COL14A1: variants seen among roughly 807,000 people sequenced by gnomAD.
The protein encoded by COL14A1 is collagen alpha-1(XIV) chain.
Under a neutral mutation model 230.3 loss-of-function variants are expected in COL14A1, and 136 were observed. That is an observed-to-expected ratio of 0.59 (90% CI 0.51 to 0.68). The LOEUF (loss-of-function observed/expected upper bound fraction) is 0.68. Among genes scored for constraint, COL14A1 ranks in the 30% least tolerant of loss-of-function variants. The pLI, the probability that COL14A1 is intolerant of heterozygous loss-of-function variation, is 0.00. For missense variants in COL14A1, 1,976 were observed against 2,215.8 expected, an observed-to-expected ratio of 0.89 and a Z score of 2.17; for synonymous variants, 792 against 784.1, an observed-to-expected ratio of 1.01 and a Z score of -0.17.
chr8:120,334,489 C>A (rs1821981519), intron 42 of COL14A1, among the ~76,000 whole-genome samples: 1 of 151,560 alleles, frequency 6.6e-6, no homozygotes. Flanking sequence ...TCTTTTAATT[C>A]AAAAATGTGT....
intron 18 of COL14A1, among the ~76,000 whole-genome samples, chr8:120,230,033 A>G (rs985022137): frequency 2.0e-5 from 3 of 152,104 alleles, no homozygotes; most frequent in African/African-American, 4.8e-5. Context: ...GACATGTGTC[A>G]TCGTGCCTGG....
intron 1 of COL14A1, among the ~76,000 whole-genome samples, chr8:120,129,984 G>A (rs74829717): frequency 5.2e-3 from 789 of 152,290 alleles, no homozygotes; most frequent in Non-Finnish European, 8.7e-3. Flanking sequence ...AAACTAGCTG[G>A]AGAACCTCAA....
chr8:120,197,918 A>G lies in COL14A1; in HGVS notation c.700A>G (p.Asn234Asp). 1 of 1,613,558 alleles carries G rather than the reference A, an allele frequency of 6.2e-7. No individual in the cohort carries two copies. The highest frequency in any genetic ancestry group is 1.1e-5 in the South Asian group (1 of 91,052). ...CCGAAACCTCCCATATAAAGGAGGA[A>G]ATACACTAACAGGTATGTTTTGTTC... ...AVRNLPYKGG[N>D]TLTGLALNYI... The change falls in exon 7 of 48, where the codon AAT becomes GAT. Residue 234 changes from asparagine (N) to aspartate (D), a missense_variant. Coordinates refer to ENST00000297848, the MANE Select transcript of COL14A1 (RefSeq NM_021110.4).
At chr8:120,251,472 C>T (rs539705592) in intron 22 of COL14A1, among the ~76,000 whole-genome samples, 2 of 152,284 alleles carry the variant, frequency 1.3e-5, no homozygotes, top group South Asian at 4.2e-4. Flanking sequence ...CCATTCTCAG[C>T]ACTTCCTTCT....
intron 45 of COL14A1, among the ~76,000 whole-genome samples, chr8:120,354,242 G>T (rs1396337008): frequency 1.5e-4 from 15 of 102,482 alleles, no homozygotes; most frequent in African/African-American, 5.2e-4. Flanking sequence ...GGACTGTTGT[G>T]GGGTGGGGGG....
chr8:120,262,774 A>T, intron 23 of COL14A1, 94 bp from the exon 24 acceptor site: 3 of 1,235,868 alleles, frequency 2.4e-6, no homozygotes, highest in Non-Finnish European at 3.4e-6. Flanking sequence ...GTGGGCTAAC[A>T]TGTGAAGTAT....
At chr8:120,215,243 C>G (rs910605339) in intron 13 of COL14A1, among the ~76,000 whole-genome samples, 1 of 152,048 alleles carries the variant, frequency 6.6e-6, no homozygotes, top group Admixed American at 6.6e-5. Flanking sequence ...TGGTGACACA[C>G]GCCTGTAATC....
rs1041374615 is a variant in COL14A1, at chr8:120,310,150, T to A, written c.4455+88T>A. The A allele has an allele frequency of 3.7e-6, 5 of 1,365,342 alleles. No individual in the cohort carries two copies. The Admixed American group carries it at 9.3e-5, about 25-fold the overall frequency. 84.6% of individuals were successfully genotyped at this position (1,365,342 alleles called of 1,614,324 possible). A position where few individuals can be genotyped will look rare whatever the true frequency, so the allele number is the denominator to read the frequency against. ...CATTTTGGAGCTAAATGTGACTTAT[T>A]TCACCCTTGCAATCTAAAGTTCCTT... On this transcript the variant is annotated intron_variant, in intron 37 of 47. Coordinates refer to ENST00000297848, the MANE Select transcript of COL14A1 (RefSeq NM_021110.4).
At chr8:120,137,620 T>G (rs1279989998) in intron 1 of COL14A1, among the ~76,000 whole-genome samples, 1 of 152,156 alleles carries the variant, frequency 6.6e-6, no homozygotes, top group Non-Finnish European at 1.5e-5. Flanking sequence ...ATTCTTTAGC[T>G]GCATTCCACA....
intron 40 of COL14A1, among the ~76,000 whole-genome samples, chr8:120,316,813 G>A (rs1041454648): frequency 6.6e-5 from 10 of 152,046 alleles, no homozygotes; most frequent in African/African-American, 2.4e-4. Context: ...AGAGGCAAGG[G>A]AAGGTGGAGC....
chr8:120,146,545 CCT>C (rs1815095113), intron 1 of COL14A1, among the ~76,000 whole-genome samples: 1 of 151,970 alleles, frequency 6.6e-6, no homozygotes, highest in African/African-American at 2.4e-5. Flanking sequence ...CAAAATTTCC[CCT>C]TATACTAGGA....
chr8:120,252,755 C>T (rs1170840054), intron 22 of COL14A1, among the ~76,000 whole-genome samples: 1 of 152,110 alleles, frequency 6.6e-6, no homozygotes, highest in Non-Finnish European at 1.5e-5. Context: ...GGGCTTTATG[C>T]ACTTGCCCTA....
At chr8:120,295,878 G>A (rs1393229630) in intron 34 of COL14A1, among the ~76,000 whole-genome samples, 1 of 151,788 alleles carries the variant, frequency 6.6e-6, no homozygotes, top group Non-Finnish European at 1.5e-5. Flanking sequence ...TCTGTCAGTG[G>A]AAGAGTTGGA....
chr8:120,134,591 A>G (rs1242703030), intron 1 of COL14A1, among the ~76,000 whole-genome samples: 1 of 152,198 alleles, frequency 6.6e-6, no homozygotes, highest in Non-Finnish European at 1.5e-5. Flanking sequence ...AGGAGATAAA[A>G]AAGAAAAAAA....
intron 32 of COL14A1, among the ~76,000 whole-genome samples, chr8:120,284,232 T>G (rs1820125556): frequency 6.6e-6 from 1 of 152,208 alleles, no homozygotes; most frequent in Non-Finnish European, 1.5e-5. Flanking sequence ...TTGAAAGTTG[T>G]GTGTCTTTGC....
chr8:120,349,436 CTG>C (rs1339262255), intron 45 of COL14A1, among the ~76,000 whole-genome samples: 8 of 146,218 alleles, frequency 5.5e-5, no homozygotes, highest in African/African-American at 2.1e-4. Context: ...TCAAATTACT[CTG>C]AGCTACGGGA....
At chr8:120,151,188 C>G (rs1399879090) in intron 2 of COL14A1, among the ~76,000 whole-genome samples, 1 of 152,086 alleles carries the variant, frequency 6.6e-6, no homozygotes, top group East Asian at 1.9e-4. Context: ...CATCTTATTT[C>G]TACCATTACG....
chr8:120,128,228 C>CGT (rs33988612), intron 1 of COL14A1, among the ~76,000 whole-genome samples: 1,638 of 146,742 alleles, frequency 0.011, 23 homozygotes, highest in East Asian at 0.042. Flanking sequence ...TGTGCGCGCG[C>CGT]GTGTGTGTGT....
intron 42 of COL14A1, among the ~76,000 whole-genome samples, chr8:120,340,564 A>G (rs1344757673): frequency 6.6e-6 from 1 of 152,222 alleles, no homozygotes; most frequent in African/African-American, 2.4e-5. Context: ...TTCAATGAAC[A>G]TTGCCTCAGA....
Sources: gnomAD v4.1 joint callset for allele counts (sites outside exome capture counted in the v4.1 genomes callset) on GRCh38, gnomAD v4.1.1 for gene constraint, MANE v1.5 for transcripts, NCBI Gene and HGNC (gene_info 2026-07-23, HGNC 2026-07-21) for gene names.